The following LTBP1 variants were observed in gnomAD, a reference collection of about 807,000 sequenced individuals.
LTBP1 encodes latent transforming growth factor beta binding protein 1, also known as latent-transforming growth factor beta-binding protein 1.
LTBP1 carries 129 observed loss-of-function variants against 207.6 expected under a neutral mutation model. That is an observed-to-expected ratio of 0.62 (90% CI 0.54 to 0.72). The LOEUF is 0.72. Among genes scored for constraint, LTBP1 ranks in the 30% least tolerant of loss-of-function variants. LTBP1 has a pLI of 0.00. For missense variants in LTBP1, 2,281 were observed against 2,217.2 expected (o/e 1.03, Z -0.58); for synonymous variants, 963 against 833.7 (o/e 1.16, Z -2.67).
At chr2:33,151,304 T>G (rs182691601) in intron 5 of LTBP1, among the ~76,000 whole-genome samples, 22 of 152,216 alleles carry the variant, frequency 1.4e-4, no homozygotes, top group African/African-American at 5.3e-4. Flanking sequence ...AATTCTCTGT[T>G]TAACATTTTG....
At chr2:33,162,850 C>T (rs1031513203) in intron 5 of LTBP1, among the ~76,000 whole-genome samples, 1 of 152,106 alleles carries the variant, frequency 6.6e-6, no homozygotes, top group Non-Finnish European at 1.5e-5. Context: ...AGACAGGAAC[C>T]CTTGTCATTA....
At chr2:33,017,984 G>C (rs1220343947) in intron 2 of LTBP1, among the ~76,000 whole-genome samples, 1 of 152,054 alleles carries the variant, frequency 6.6e-6, no homozygotes, top group South Asian at 2.1e-4. Context: ...TGCTCTAGGG[G>C]GCACCTGTCT....
chr2:33,268,353 T>G (rs777771669), intron 15 of LTBP1, among the ~76,000 whole-genome samples: 2 of 152,222 alleles, frequency 1.3e-5, no homozygotes, highest in Non-Finnish European at 2.9e-5. Context: ...GTTTCTCCCA[T>G]GATTGAAGAC....
chr2:33,366,752 G>A lies in LTBP1; in HGVS notation c.4711+1249G>A, dbSNP rs150733906. Among the ~76,000 whole-genome samples the A allele has an allele frequency of 4.1e-3, 619 of 152,286 alleles. 3 individuals carry two copies. Among genetic ancestry groups the A allele is most frequent in the Non-Finnish European group, 5.9e-3 (399 of 68,026 alleles). On this transcript the variant is annotated intron_variant, in intron 31 of 33. Coordinates refer to ENST00000404816, the MANE Select transcript of LTBP1 (RefSeq NM_206943.4). ...GGCTGGGAGGATGTAGGTAGAGCAG[G>A]GGGTAATTACTAGCTTTACTGGTTG...
intron 31 of LTBP1, among the ~76,000 whole-genome samples, chr2:33,373,590 A>C (rs928781400): frequency 6.6e-6 from 1 of 152,182 alleles, no homozygotes; most frequent in African/African-American, 2.4e-5. Context: ...TACTCCTTTA[A>C]ATAATGCTAG....
At chr2:33,014,937 G>T (rs1437252369) in intron 2 of LTBP1, among the ~76,000 whole-genome samples, 1 of 151,768 alleles carries the variant, frequency 6.6e-6, no homozygotes, top group African/African-American at 2.4e-5. Context: ...GATGTCAGTG[G>T]GCTTTCTGCA....
intron 2 of LTBP1, among the ~76,000 whole-genome samples, chr2:32,979,555 A>T (rs961183857): frequency 2.0e-5 from 3 of 152,094 alleles, no homozygotes; most frequent in African/African-American, 7.2e-5. Context: ...CAGAGAAAAT[A>T]CTTAATATAA....
chr2:33,148,868 G>A (rs932985231), intron 5 of LTBP1, among the ~76,000 whole-genome samples: 2 of 152,174 alleles, frequency 1.3e-5, no homozygotes, highest in African/African-American at 4.8e-5. Context: ...GGGTGCTCTT[G>A]GCGTATAGTG....
At chr2:32,954,586 C>T (rs1337220859) in intron 2 of LTBP1, among the ~76,000 whole-genome samples, 2 of 147,086 alleles carry the variant, frequency 1.4e-5, no homozygotes, top group Admixed American at 6.9e-5. Context: ...CCTTGATTAC[C>T]TCTGTAAAGA....
At chr2:33,211,773 A>G (rs1421102447) in intron 7 of LTBP1, among the ~76,000 whole-genome samples, 1 of 152,224 alleles carries the variant, frequency 6.6e-6, no homozygotes, top group Non-Finnish European at 1.5e-5. Flanking sequence ...TCTTCAAATC[A>G]TCATTCAGCC....
At chr2:33,062,816 GGTAGT>G (rs1301607852) in intron 3 of LTBP1, among the ~76,000 whole-genome samples, 1 of 152,168 alleles carries the variant, frequency 6.6e-6, no homozygotes, top group Non-Finnish European at 1.5e-5. Context: ...CGAATGTGTG[GGTAGT>G]ATGTGCAGTG....
intron 25 of LTBP1, among the ~76,000 whole-genome samples, chr2:33,343,575 G>C (rs939902075): frequency 6.6e-6 from 1 of 152,288 alleles, no homozygotes; most frequent in Middle Eastern, 3.4e-3. Flanking sequence ...ATAGAGTCTG[G>C]TGTGTGGTAT....
At chr2:33,195,813 A>G (rs1349317341) in intron 7 of LTBP1, among the ~76,000 whole-genome samples, 2 of 152,186 alleles carry the variant, frequency 1.3e-5, no homozygotes, top group African/African-American at 4.8e-5. Context: ...AGTAAAAGGA[A>G]GGGTCAGGTA....
chr2:33,293,391 G>A (rs990492217), intron 20 of LTBP1, 109 bp downstream of exon 20: 35 of 1,051,608 alleles, frequency 3.3e-5, no homozygotes, highest in Admixed American at 6.7e-5. Flanking sequence ...TATTTTGACC[G>A]AGCGACTTAG....
At chr2:33,376,174 C>T (rs759457875) in intron 31 of LTBP1, among the ~76,000 whole-genome samples, 1 of 152,104 alleles carries the variant, frequency 6.6e-6, no homozygotes, top group Non-Finnish European at 1.5e-5. Context: ...AAATTGAATT[C>T]CCTAATAAAT....
intron 26 of LTBP1, among the ~76,000 whole-genome samples, chr2:33,357,054 G>A (rs545019906): frequency 6.6e-6 from 1 of 152,292 alleles, no homozygotes; most frequent in South Asian, 2.1e-4. Flanking sequence ...AAATGGAAAG[G>A]GAGAGCCCAT....
intron 24 of LTBP1, among the ~76,000 whole-genome samples, chr2:33,323,283 T>C (rs143485382): frequency 3.9e-5 from 6 of 152,250 alleles, no homozygotes; most frequent in South Asian, 2.1e-4. Context: ...AACAGAATGG[T>C]TATATGGGAA....
chr2:33,374,635 G>A (rs909640653), intron 31 of LTBP1, among the ~76,000 whole-genome samples: 2 of 152,190 alleles, frequency 1.3e-5, no homozygotes, highest in African/African-American at 4.8e-5. Context: ...GAAATGGCCA[G>A]TAAGCCAGTT....
At chr2:33,282,813 C>T (rs1211873417) in intron 19 of LTBP1, among the ~76,000 whole-genome samples, 1 of 151,974 alleles carries the variant, frequency 6.6e-6, no homozygotes, top group Non-Finnish European at 1.5e-5. Context: ...GCCTGTAATC[C>T]CAGCACTTTG....
Sources: gnomAD v4.1 joint callset for allele counts (sites outside exome capture counted in the v4.1 genomes callset) on GRCh38, gnomAD v4.1.1 for gene constraint, MANE v1.5 for transcripts, NCBI Gene and HGNC (gene_info 2026-07-23, HGNC 2026-07-21) for gene names.